Variants in CHRM2 observed in about 807,000 individuals in gnomAD.
CHRM2 encodes the protein cholinergic receptor muscarinic 2.
In CHRM2, 8 loss-of-function variants were observed where a neutral mutation model predicts 25.0. That is an observed-to-expected ratio of 0.32 (90% CI 0.19 to 0.58). The LOEUF is 0.58. Among genes scored for constraint, CHRM2 ranks in the 20% least tolerant of loss-of-function variants. The pLI, the probability that CHRM2 is intolerant of heterozygous loss-of-function variation, is 0.88. For synonymous variants in CHRM2, 202 were observed against 205.7 expected (o/e 0.98, Z 0.15); for missense variants, 440 against 567.1 (o/e 0.78, Z 2.28).
chr7:136,931,641 T>A (rs1799112023), intron 2 of CHRM2, among the ~76,000 whole-genome samples: 1 of 152,216 alleles, frequency 6.6e-6, no homozygotes, highest in Non-Finnish European at 1.5e-5. Flanking sequence ...ATCTCTGTGA[T>A]GTTGTCCACT....
intron 2 of CHRM2, among the ~76,000 whole-genome samples, chr7:136,936,427 C>T (rs1799414667): frequency 2.0e-5 from 3 of 152,106 alleles, no homozygotes. Context: ...TGTACTGTAG[C>T]TAGGTAGAAT....
At chr7:136,877,740 T>C (rs549630258) in intron 2 of CHRM2, among the ~76,000 whole-genome samples, 22 of 152,168 alleles carry the variant, frequency 1.4e-4, no homozygotes, top group African/African-American at 5.3e-4. Context: ...AAGAAAGTTA[T>C]AATGACTTTT....
rs751960909 is a variant in CHRM2 at position 137,016,026 on chromosome 7, G to T, written c.1161G>T (p.Arg387Ser). ...CTTCCCGGGAAAAGAAAGTCACCAG[G>T]ACAATCTTGGCTATTCTGTTGGCTT... Reference protein sequence around the residue: ...PPPSREKKVTRTILAILLAFI... With the variant: ...PPPSREKKVTSTILAILLAFI... The change falls in exon 4 of 4, where the codon AGG becomes AGT. Residue 387 changes from arginine (R) to serine (S), a missense_variant. This residue lies in a region of CHRM2 where 65 missense variants were observed against 108.9 expected (regional missense o/e 0.60). Coordinates refer to ENST00000680005, the MANE Select transcript of CHRM2 (RefSeq NM_001006630.2). 6.2e-7 allele frequency: 1 copy of T among 1,613,004 alleles called. No homozygotes were observed. Among genetic ancestry groups the T allele is most frequent in the Non-Finnish European group, 8.5e-7 (1 of 1,179,420 alleles).
chr7:136,876,261 G>T (rs768120307), intron 2 of CHRM2, among the ~76,000 whole-genome samples: 4 of 152,144 alleles, frequency 2.6e-5, no homozygotes, highest in Non-Finnish European at 4.4e-5. Flanking sequence ...TTATAAAAAT[G>T]CTAGGCAACT....
chr7:136,940,792 T>G (rs1799719322), intron 2 of CHRM2, among the ~76,000 whole-genome samples: 1 of 152,186 alleles, frequency 6.6e-6, no homozygotes, highest in Non-Finnish European at 1.5e-5. Flanking sequence ...ATGAAGAAAC[T>G]GTGAATTAGA....
intron 2 of CHRM2, among the ~76,000 whole-genome samples, chr7:136,944,692 TG>T (rs1191991236): frequency 3.3e-5 from 5 of 152,096 alleles, no homozygotes; most frequent in Non-Finnish European, 5.9e-5. Flanking sequence ...CACCCAGGTG[TG>T]GGATTACTGG....
chr7:137,015,478 C>T lies in CHRM2; in HGVS notation c.613C>T (p.Leu205=), dbSNP rs775862747. The change falls in exon 4 of 4, where the codon CTA becomes TTA. Residue 205 remains leucine, a synonymous_variant. Transcript: ENST00000680005. The surrounding 1 kb of genome is among the most constrained non-coding windows in gnomAD (Gnocchi z 5.1). The part of the protein sequence containing the change: ...FYLPVIIMTV[L]YWHISRASKS... ...TTTGCCAGTGATCATCATGACTGTG[C>T]TATATTGGCACATATCCCGAGCCAG... 3.1e-6 allele frequency: 5 copies of T among 1,613,212 alleles called. No homozygotes were observed. The South Asian group carries it at 4.4e-5, about 14-fold the overall frequency.
intron 2 of CHRM2, among the ~76,000 whole-genome samples, chr7:136,882,833 T>C (rs530896018): frequency 1.3e-5 from 2 of 152,230 alleles, no homozygotes; most frequent in South Asian, 2.1e-4. Context: ...AGACCAGACT[T>C]TTTTGTTTAT....
At chr7:136,974,763 A>G (rs1345277175) in intron 2 of CHRM2, among the ~76,000 whole-genome samples, 1 of 152,172 alleles carries the variant, frequency 6.6e-6, no homozygotes, top group African/African-American at 2.4e-5. Flanking sequence ...AATAATTTTC[A>G]AGAGAAGAAT....
At chr7:136,976,553 C>T (rs879765346) in intron 2 of CHRM2, among the ~76,000 whole-genome samples, 1 of 152,070 alleles carries the variant, frequency 6.6e-6, no homozygotes, top group African/African-American at 2.4e-5. Context: ...GGCTTCTGAA[C>T]TGGGCACAGC....
rs778596477 is a variant in CHRM2 at position 136,921,770 on chromosome 7, C to CTT, written c.-125+52354_-125+52355dup. Among the ~76,000 whole-genome samples the CTT allele has an allele frequency of 7.7e-5, 9 of 116,176 alleles. No homozygotes were observed. In the Admixed American group the frequency reaches 7.8e-4, roughly 10 times the overall value. The allele number at this position is 116,176 out of a possible 152,430, so 76.2% of individuals were successfully genotyped here. The stretch of plus-strand genomic sequence containing the variant: ...AGAAATATACCATTCATGCAATTTT[C>CTT]TTTCTTTCTTTCTTTCTTTCTTTCT... On this transcript the variant is annotated intron_variant, in intron 2 of 3. Transcript: ENST00000680005.
chr7:136,885,818 A>G (rs1796440058), intron 2 of CHRM2, among the ~76,000 whole-genome samples: 1 of 152,198 alleles, frequency 6.6e-6, no homozygotes, highest in African/African-American at 2.4e-5. Context: ...ATAAAGCACT[A>G]GAGAGTCAAT....
In CHRM2 at chr7:137,015,362, T is replaced by C; in HGVS notation, c.497T>C (p.Val166Ala). Reference sequence around the variant, plus strand: ...GCCATTCTCTTCTGGCAGTTCATTGTAGGGGTGAGAACTGTGGAGGATGGG... The same window carrying C: ...GCCATTCTCTTCTGGCAGTTCATTGCAGGGGTGAGAACTGTGGAGGATGGG... ...APAILFWQFI[V>A]GVRTVEDGEC... The change falls in exon 4 of 4, where the codon GTA becomes GCA. Residue 166 changes from valine to alanine, a missense_variant. Around this residue, in one of 5 missense-constraint regions of CHRM2, gnomAD observed 261 missense variants for 261.8 expected, o/e 1.00. Coordinates refer to ENST00000680005, the MANE Select transcript of CHRM2 (RefSeq NM_001006630.2). The surrounding 1 kb of genome is among the most constrained non-coding windows in gnomAD (Gnocchi z 5.1). 2 of 1,613,506 alleles carry C rather than the reference T, an allele frequency of 1.2e-6. No individual in the cohort carries two copies. Among genetic ancestry groups the C allele is most frequent in the Non-Finnish European group, 1.7e-6 (2 of 1,179,636 alleles).
At chr7:136,931,655 G>A (rs1340272655) in intron 2 of CHRM2, among the ~76,000 whole-genome samples, 1 of 152,080 alleles carries the variant, frequency 6.6e-6, no homozygotes, top group African/African-American at 2.4e-5. Flanking sequence ...GTCCACTCCT[G>A]GACACTCCTG....
At chr7:136,973,742 T>C (rs1235833143) in intron 2 of CHRM2, among the ~76,000 whole-genome samples, 1 of 151,882 alleles carries the variant, frequency 6.6e-6, no homozygotes, top group Non-Finnish European at 1.5e-5. Flanking sequence ...TTGTCGGTAA[T>C]GATGGTGATG....
At chr7:136,986,787 C>T (rs1802884844) in intron 2 of CHRM2, among the ~76,000 whole-genome samples, 1 of 152,136 alleles carries the variant, frequency 6.6e-6, no homozygotes, top group Non-Finnish European at 1.5e-5. Flanking sequence ...ATAAGTTACC[C>T]AGGCTTCCTT....
At chr7:136,980,855 T>C (rs1415800941) in intron 2 of CHRM2, among the ~76,000 whole-genome samples, 3 of 152,232 alleles carry the variant, frequency 2.0e-5, no homozygotes, top group Non-Finnish European at 4.4e-5. Flanking sequence ...AGTATTTTAC[T>C]GAGGATTTTC....
chr7:136,874,355 C>T (rs952281032), intron 2 of CHRM2, among the ~76,000 whole-genome samples: 18 of 151,382 alleles, frequency 1.2e-4, no homozygotes, highest in South Asian at 2.1e-4. Context: ...ATTTATTTCT[C>T]TTTTTTTTTC....
intron 2 of CHRM2, chr7:136,870,081 T>A (rs1795757364): frequency 6.6e-6 from 1 of 152,320 alleles, no homozygotes; most frequent in Non-Finnish European, 1.5e-5. Context: ...CCATCCTATT[T>A]GAGCCCCGCG....
Sources: gnomAD v4.1 joint callset for allele counts (sites outside exome capture counted in the v4.1 genomes callset) on GRCh38, gnomAD v4.1.1 for gene constraint, gnomAD v4.1.1 regional missense constraint, Gnocchi (gnomAD v3.1) non-coding constraint, MANE v1.5 for transcripts, NCBI Gene and HGNC (gene_info 2026-07-23, HGNC 2026-07-21) for gene names.